Variants in FTSJ3 observed in about 807,000 individuals in gnomAD.
The protein encoded by FTSJ3 is FtsJ RNA 2'-O-methyltransferase 3.
A neutral mutation model predicts 111.5 loss-of-function variants in FTSJ3; 46 were observed. The ratio of observed to expected loss-of-function variants is 0.41; its 90% CI spans 0.33 to 0.53. The LOEUF (loss-of-function observed/expected upper bound fraction) is 0.53, where lower values mean the gene tolerates loss of function less well. Among genes scored for constraint, FTSJ3 ranks in the 20% least tolerant of loss-of-function variants. The pLI is 0.19. For missense variants in FTSJ3, 1,075 were observed against 1,063.8 expected, an observed-to-expected ratio of 1.01 and a Z score of -0.15; for synonymous variants, 408 against 383.0, an observed-to-expected ratio of 1.07 and a Z score of -0.76.
In FTSJ3 at chr17:63,819,703, G is replaced by T; in HGVS notation, c.*99C>A. On this transcript the variant is annotated 3_prime_UTR_variant, in exon 21 of 21. Transcript: ENST00000427159. ...TCACTGTTCTTCAGACAGCTGTGAT[G>T]TGAGCAGGGGCTAGGCCGGTAATCA... The T allele has an allele frequency of 8.9e-7, 1 of 1,120,366 alleles. No homozygotes were observed. Among genetic ancestry groups the T allele is most frequent in the Non-Finnish European group, 1.3e-6 (1 of 782,064 alleles). 69.4% of individuals were successfully genotyped at this position (1,120,366 alleles called of 1,614,324 possible).
chr17:63,820,286 AC>A lies in FTSJ3; in HGVS notation c.2224del (p.Val742TrpfsTer13). Reference sequence around the variant, plus strand: ...TTTCTTTCTAGCCTTAGCCTCAGCCACCTTCTTGATGGGACGTGCATTGATT... The same window carrying A: ...TTTCTTTCTAGCCTTAGCCTCAGCCACTTCTTGATGGGACGTGCATTGATT... ...REINARPIKK[V>X]AEAKARKKRR... On this transcript the variant is annotated frameshift_variant, in exon 19 of 21. Transcript: ENST00000427159. LOFTEE classifies it high-confidence loss of function. 1 of 1,574,146 alleles carries A rather than the reference AC, an allele frequency of 6.4e-7. No homozygotes were observed. The highest frequency in any genetic ancestry group is 8.6e-7 in the Non-Finnish European group (1 of 1,165,848).
At chr17:63,826,343 C>CT in intron 3 of FTSJ3, 39 bp from the exon 4 acceptor site, 2 of 1,600,444 alleles carry the variant, frequency 1.2e-6, no homozygotes, top group African/African-American at 2.7e-5. Flanking sequence ...TAGAGCCATC[C>CT]TTTTCCCCCT....
chr17:63,824,737 T>C lies in FTSJ3; in HGVS notation c.817A>G (p.Ile273Val). 1 of 1,613,414 alleles carries C rather than the reference T, an allele frequency of 6.2e-7. No homozygotes were observed. The highest frequency in any genetic ancestry group is 8.5e-7 in the Non-Finnish European group (1 of 1,179,350). Residue 273 changes from isoleucine to valine, a missense_variant and splice_region_variant, in exon 10 of 21, where the codon ATC becomes GTC. By Grantham distance (29) the Ile-to-Val change is conservative (BLOSUM62 3). Coordinates refer to ENST00000427159, the MANE Select transcript of FTSJ3 (RefSeq NM_017647.4). Reference protein sequence around the residue: ...PVDFLSKASEIMVDDEELAQH... With the variant: ...PVDFLSKASEVMVDDEELAQH... ...GCCAACTCTTCATCATCTACCATGA[T>C]CTGTTTGGGAGGATGGAAAGGTGTC...
Position 63,819,808 on chromosome 17 carries a change from C to G in FTSJ3, c.2538G>C (p.Arg846=), listed in dbSNP as rs757087696. The change falls in exon 21 of 21, where the codon CGG becomes CGC. Residue 846 remains arginine, a synonymous_variant. Coordinates refer to ENST00000427159, the MANE Select transcript of FTSJ3 (RefSeq NM_017647.4). ...QRKEQKKKHK[R]K is the part of the protein sequence containing the mutation. ...GGGAGCCTGGCAGCTCTGCTTACTT[C>G]CGTTTGTGTTTTTTCTTTTGTTCCT... 1.9e-6 allele frequency: 3 copies of G among 1,612,218 alleles called. No individual in the cohort carries two copies. Among genetic ancestry groups the G allele is most frequent in the Admixed American group, 1.7e-5 (1 of 59,750 alleles).
chr17:63,827,176 G>C lies in FTSJ3; in HGVS notation c.-151C>G. 1.6e-6 allele frequency: 1 copy of C among 606,346 alleles called. No homozygotes were observed. Among genetic ancestry groups the C allele is most frequent in the Non-Finnish European group, 2.9e-6 (1 of 342,570 alleles). The allele number at this position is 606,346 out of a possible 1,614,324, so 37.6% of individuals were successfully genotyped here. On this transcript the variant is annotated 5_prime_UTR_variant, in exon 1 of 21. The change creates a new upstream start codon in the 5' untranslated region. Coordinates refer to ENST00000427159, the MANE Select transcript of FTSJ3 (RefSeq NM_017647.4). ...TTCCGCCATTTTGAGTGTGGCCCTA[G>C]ATTGTTCTCAATACTCTGTCCTTGG... is the stretch of plus-strand genomic sequence containing the variant.
At chr17:63,820,207 A>AACCCCCCCC in intron 19 of FTSJ3, 34 bp from the exon 20 acceptor site, 4 of 310,958 alleles carry the variant, frequency 1.3e-5, no homozygotes, top group Non-Finnish European at 2.3e-5. Context: ...CCTCTTCCCC[A>AACCCCCCCC]TCCCCCCACC....
intron 15 of FTSJ3, 40 bp from the exon 16 acceptor site, chr17:63,821,683 G>T: frequency 6.2e-7 from 1 of 1,614,058 alleles, no homozygotes; most frequent in Non-Finnish European, 8.5e-7. Context: ...TCCCAAGGAA[G>T]ACTCATCTCC....
rs774080148 is a variant in FTSJ3 at position 63,826,138 on chromosome 17, G to C, written c.221-3C>G. ...CTTGATTGGAACCAGGTCCACTCCT[G>C]GAAGAAATCAGGTCAGAGTATTCTA... On this transcript the variant is annotated splice_region_variant and splice_polypyrimidine_tract_variant and intron_variant, in intron 4 of 20. Transcript: ENST00000427159. 3 of 1,613,790 alleles carry C rather than the reference G, an allele frequency of 1.9e-6. No individual in the cohort carries two copies. In the African/African-American group the frequency reaches 4.0e-5, roughly 22 times the overall value.
rs115666825 is a variant in FTSJ3 at position 63,820,123 on chromosome 17, G to A, written c.2307C>T (p.Asn769=). Residue 769 remains asparagine (N), a synonymous_variant, in exon 20 of 21, where the codon AAC becomes AAT. Transcript: ENST00000427159. The part of the protein sequence containing the change: ...QTRKKAEAVV[N]TVDISEREKV... Reference sequence around the variant, plus strand: ...TCTCTCGTTCTGAGATGTCCACTGTGTTCACCACGGCTTCTGCCTTCTTCC... The same window carrying A: ...TCTCTCGTTCTGAGATGTCCACTGTATTCACCACGGCTTCTGCCTTCTTCC... The A allele has an allele frequency of 3.7e-5, 59 of 1,613,970 alleles. No individual in the cohort carries two copies. In the East Asian group the frequency reaches 1.3e-3, roughly 36 times the overall value.
In FTSJ3 at chr17:63,824,889, C is replaced by A; in HGVS notation, c.752G>T (p.Arg251Leu). 6.3e-7 allele frequency: 1 copy of A among 1,596,324 alleles called. No individual in the cohort carries two copies. Among genetic ancestry groups the A allele is most frequent in the Non-Finnish European group, 8.5e-7 (1 of 1,170,630 alleles). ...TCGGAGGAAGTCAGTGACTGAGGTA[C>A]GGTGATAGAGAGTGAGGTCACCCTC... ...YAEGDLTLYH[R>L]TSVTDFLRAA... Residue 251 changes from arginine (R) to leucine (L), a missense_variant, in exon 9 of 21, where the codon CGT (arginine) becomes CTT (leucine). This residue lies in a region of FTSJ3 where 867 missense variants were observed against 796.9 expected (regional missense o/e 1.09). Coordinates refer to ENST00000427159, the MANE Select transcript of FTSJ3 (RefSeq NM_017647.4).
rs2040046508 is a variant in FTSJ3, at chr17:63,821,122, AGAGGG to A, written c.1887-12_1887-8del. 6.2e-7 allele frequency: 1 copy of A among 1,613,836 alleles called. No individual in the cohort carries two copies. The highest frequency in any genetic ancestry group is 1.3e-5 in the African/African-American group (1 of 75,048). On this transcript the variant is annotated splice_polypyrimidine_tract_variant and splice_region_variant and intron_variant, in intron 16 of 20. Transcript: ENST00000427159. ...ACCACGGAGGGGTTCCCAGCTGTGA[AGAGGG>A]GAGGACTCTGAGTGATTCCACCACT... is the stretch of plus-strand genomic sequence containing the variant.
At position 63,827,155 on chromosome 17, in the gene FTSJ3, G is replaced by A; in HGVS notation, c.-130C>T. The A allele has an allele frequency of 3.3e-6, 2 of 606,192 alleles. No individual in the cohort carries two copies. The highest frequency in any genetic ancestry group is 5.8e-6 in the Non-Finnish European group (2 of 342,342). The allele number at this position is 606,192 out of a possible 1,614,324, so 37.6% of individuals were successfully genotyped here. A position where few individuals can be genotyped will look rare whatever the true frequency, so the allele number is the denominator to read the frequency against. ...CTGCGTCCCTGGCTCGAGGTTTTCCGCCATTTTGAGTGTGGCCCTAGATTG... is the reference window on the plus strand; with the variant it reads ...CTGCGTCCCTGGCTCGAGGTTTTCCACCATTTTGAGTGTGGCCCTAGATTG... On this transcript the variant is annotated 5_prime_UTR_variant, in exon 1 of 21. Transcript: ENST00000427159.
In FTSJ3 at chr17:63,819,814, G is replaced by T. The variant is rs757994274; in HGVS notation, c.2532C>A (p.His844Gln). ...AQQRKEQKKK[H>Q]KRK is the part of the protein sequence containing the mutation. ...CTGGCAGCTCTGCTTACTTCCGTTT[G>T]TGTTTTTTCTTTTGTTCCTTACGTT... The change falls in exon 21 of 21, where the codon CAC becomes CAA. Residue 844 changes from histidine to glutamine, a missense_variant. By Grantham distance (24) the His-to-Gln change is conservative. Around this residue, in one of 2 missense-constraint regions of FTSJ3, gnomAD observed 867 missense variants for 796.9 expected, o/e 1.09. Transcript: ENST00000427159. 1.2e-6 allele frequency: 2 copies of T among 1,612,888 alleles called. No individual in the cohort carries two copies. The highest frequency in any genetic ancestry group is 8.5e-7 in the Non-Finnish European group (1 of 1,179,372).
rs1217008899 is a variant in FTSJ3 at position 63,823,930 on chromosome 17, C to T, written c.1177G>A (p.Glu393Lys). 8.1e-6 allele frequency: 13 copies of T among 1,614,110 alleles called. No homozygotes were observed. Among genetic ancestry groups the T allele is most frequent in the Non-Finnish European group, 1.1e-5 (13 of 1,180,052 alleles). ...ACACGCTCCCGCTGCTTTCTCTGCT[C>T]ACGCAACAGCTTCTTTTTCTTCCTG... ...LKRKKKKLLREQRKQRERVEL... is the reference protein window; with the variant it reads ...LKRKKKKLLRKQRKQRERVEL... The change falls in exon 13 of 21, where the codon GAG becomes AAG. Residue 393 changes from glutamate (E) to lysine (K), a missense_variant. Transcript: ENST00000427159.
chr17:63,823,847 C>T lies in FTSJ3; in HGVS notation c.1260G>A (p.Met420Ile). 2 of 1,614,164 alleles carry T rather than the reference C, an allele frequency of 1.2e-6. No homozygotes were observed. The highest frequency in any genetic ancestry group is 1.1e-5 in the South Asian group (1 of 91,082). ...GACCCCGGATGGTGCTCAAGGAGAA[C>T]ATGCCAGTCTCCCCCTCGTCTGCAA... The part of the protein sequence containing the change: ...VSIADEGETG[M>I]FSLSTIRGHQ... The change falls in exon 13 of 21, where the codon ATG (methionine) becomes ATA (isoleucine). Residue 420 changes from methionine (M) to isoleucine (I), a missense_variant. Physicochemically the swap from Met to Ile is conservative, Grantham distance 10 (BLOSUM62 1). Around this residue, in one of 2 missense-constraint regions of FTSJ3, gnomAD observed 867 missense variants for 796.9 expected, o/e 1.09. Coordinates refer to ENST00000427159, the MANE Select transcript of FTSJ3 (RefSeq NM_017647.4).
chr17:63,821,414 C>T lies in FTSJ3; in HGVS notation c.1826G>A (p.Gly609Glu), dbSNP rs575324266. 6.2e-7 allele frequency: 1 copy of T among 1,614,128 alleles called. No homozygotes were observed. The highest frequency in any genetic ancestry group is 1.7e-5 in the Admixed American group (1 of 60,022). Residue 609 changes from glycine (G) to glutamate (E), a missense_variant, in exon 16 of 21, where the codon GGG becomes GAG. Physicochemically the swap from Gly to Glu is moderately conservative, Grantham distance 98. This residue lies in a region of FTSJ3 where 867 missense variants were observed against 796.9 expected (regional missense o/e 1.09). Transcript: ENST00000427159. ...SGTEAATGLE[G>E]EEKDGISDSD... The stretch of plus-strand genomic sequence containing the variant: ...GTCTGAGATGCCATCCTTTTCTTCC[C>T]CTTCAAGGCCAGTGGCAGCTTCTGT...
In FTSJ3 at chr17:63,820,008, G is replaced by C. The variant is rs1160263549; in HGVS notation, c.2352-14C>G. 1 of 1,614,032 alleles carries C rather than the reference G, an allele frequency of 6.2e-7. No individual in the cohort carries two copies. The highest frequency in any genetic ancestry group is 1.1e-5 in the South Asian group (1 of 91,074). On this transcript the variant is annotated splice_polypyrimidine_tract_variant and intron_variant, in intron 20 of 20. Transcript: ENST00000427159. ...TTCTTGTAGAGACTACAGGGGGGAA[G>C]AGAAGAGGTTAGAGGCTTGCTTTCT...
chr17:63,822,569 A>G (rs1057461195), intron 13 of FTSJ3, among the ~76,000 whole-genome samples: 41 of 152,332 alleles, frequency 2.7e-4, no homozygotes, highest in African/African-American at 9.9e-4. Flanking sequence ...GGCCCAGCCA[A>G]CATACATCCA....
Position 63,826,795 on chromosome 17 carries a change from G to C in FTSJ3, c.67+41C>G, listed in dbSNP as rs763011583. ...GCAAAGAGCAGGCGAACCGGGCAGA[G>C]ATCGCTCGCTCGCTCGCAGACTGAG... On this transcript the variant is annotated intron_variant, in intron 2 of 20. Transcript: ENST00000427159. The C allele has an allele frequency of 5.6e-6, 9 of 1,602,854 alleles. No individual in the cohort carries two copies. In the East Asian group the frequency reaches 2.0e-4, roughly 36 times the overall value.
Sources: allele counts gnomAD v4.1 joint callset (sites outside exome capture counted in the v4.1 genomes callset), GRCh38; gene constraint gnomAD v4.1.1; regional missense constraint gnomAD v4.1.1; transcripts MANE v1.5; gene names NCBI Gene and HGNC (gene_info 2026-07-23, HGNC 2026-07-21).